Variants in TRIP4 observed in about 807,000 individuals in gnomAD.
The protein encoded by TRIP4 is activating signal cointegrator 1.
A neutral mutation model predicts 81.8 loss-of-function variants in TRIP4; 54 were observed. The observed-to-expected ratio is 0.66, with a 90% CI of 0.53 to 0.83. The LOEUF (loss-of-function observed/expected upper bound fraction) is 0.83. TRIP4 is among the 40% of genes least tolerant of loss of function. The pLI is 0.00. For synonymous variants in TRIP4, 270 were observed against 242.8 expected, an observed-to-expected ratio of 1.11 and a Z score of -1.04; for missense variants, 662 against 683.6, an observed-to-expected ratio of 0.97 and a Z score of 0.35.
chr15:64,433,679 C>T (rs1408597919), intron 11 of TRIP4, among the ~76,000 whole-genome samples: 1 of 152,122 alleles, frequency 6.6e-6, no homozygotes, highest in Non-Finnish European at 1.5e-5. Flanking sequence ...AGTGTTTCTA[C>T]TGAGATGGTA....
chr15:64,406,278 A>G, intron 5 of TRIP4, 52 bp from the exon 6 acceptor site: 1 of 1,602,034 alleles, frequency 6.2e-7, no homozygotes, highest in Non-Finnish European at 8.5e-7. Flanking sequence ...CACTGGTACA[A>G]CTAATTTGTA....
intron 7 of TRIP4, among the ~76,000 whole-genome samples, chr15:64,413,182 A>G (rs1891807297): frequency 6.6e-6 from 1 of 152,108 alleles, no homozygotes; most frequent in African/African-American, 2.4e-5. Flanking sequence ...TCTGTGGGTC[A>G]GGGTATTCCT....
At chr15:64,416,538 C>A (rs577752271) in intron 8 of TRIP4, among the ~76,000 whole-genome samples, 11 of 152,202 alleles carry the variant, frequency 7.2e-5, no homozygotes, top group African/African-American at 2.6e-4. Flanking sequence ...GCCTGGGCAA[C>A]AGAGCAAGAC....
At chr15:64,420,985 A>G (rs546675275) in intron 9 of TRIP4, among the ~76,000 whole-genome samples, 4 of 152,184 alleles carry the variant, frequency 2.6e-5, no homozygotes, top group East Asian at 1.9e-4. Flanking sequence ...TCAATCAGCA[A>G]TGGAACACAT....
At chr15:64,396,012 G>A (rs1365459628) in intron 3 of TRIP4, among the ~76,000 whole-genome samples, 4 of 151,596 alleles carry the variant, frequency 2.6e-5, no homozygotes, top group Admixed American at 6.6e-5. Flanking sequence ...GGGTTCAAGC[G>A]ATTCTCCTGC....
At chr15:64,453,255 C>T (rs1393320995) in intron 12 of TRIP4, among the ~76,000 whole-genome samples, 1 of 152,196 alleles carries the variant, frequency 6.6e-6, no homozygotes, top group Non-Finnish European at 1.5e-5. Context: ...TAAATTCTGT[C>T]CCAGCTTGTC....
chr15:64,401,017 A>G (rs1483093024), intron 5 of TRIP4, among the ~76,000 whole-genome samples, 196 bp downstream of exon 5: 1 of 151,946 alleles, frequency 6.6e-6, no homozygotes, highest in Non-Finnish European at 1.5e-5. Context: ...GCTGGAGAGC[A>G]GTGACGCGAT....
chr15:64,452,890 G>A (rs1035930238), intron 12 of TRIP4, among the ~76,000 whole-genome samples: 2 of 152,096 alleles, frequency 1.3e-5, no homozygotes, highest in African/African-American at 4.8e-5. Context: ...GATTAAAACT[G>A]AGTTTTTCAG....
intron 5 of TRIP4, among the ~76,000 whole-genome samples, chr15:64,401,904 A>G (rs1319985174): frequency 1.3e-5 from 2 of 152,218 alleles, no homozygotes; most frequent in African/African-American, 4.8e-5. Context: ...GTCATGAAAG[A>G]CAAGAAAAGA....
chr15:64,436,933 T>C (rs998163126), intron 11 of TRIP4, among the ~76,000 whole-genome samples: 8 of 151,680 alleles, frequency 5.3e-5, no homozygotes, highest in Non-Finnish European at 1.2e-4. Context: ...GGTCTCCATC[T>C]CCTGACCTCA....
intron 4 of TRIP4, 118 bp from the exon 5 acceptor site, chr15:64,400,625 C>A: frequency 1.4e-6 from 1 of 730,652 alleles, no homozygotes; most frequent in Non-Finnish European, 2.3e-6. Context: ...TAAAAAACAC[C>A]AATAGTCTCA....
chr15:64,439,679 A>G (rs763691111), intron 11 of TRIP4, among the ~76,000 whole-genome samples: 30 of 151,518 alleles, frequency 2.0e-4, no homozygotes, highest in Non-Finnish European at 3.8e-4. Context: ...GCCCGCCATC[A>G]TGCCGGCTAA....
Position 64,455,091 on chromosome 15 carries a change from T to C in TRIP4, c.*27T>C, listed in dbSNP as rs375038264. ...CCAGGAGAAAAGGAACTATACAGCATAGTGGAGTTTTGTGTACTAAAATTG... is the reference window on the plus strand; with the variant it reads ...CCAGGAGAAAAGGAACTATACAGCACAGTGGAGTTTTGTGTACTAAAATTG... On this transcript the variant is annotated 3_prime_UTR_variant, in exon 13 of 13. Coordinates refer to ENST00000261884, the MANE Select transcript of TRIP4 (RefSeq NM_016213.5). 2.5e-6 allele frequency: 4 copies of C among 1,606,592 alleles called. No homozygotes were observed. The highest frequency in any genetic ancestry group is 3.4e-6 in the Non-Finnish European group (4 of 1,175,592).
intron 4 of TRIP4, among the ~76,000 whole-genome samples, chr15:64,398,424 CAAAAAAAAAAAAA>C (rs745672952): frequency 4.3e-4 from 7 of 16,326 alleles, no homozygotes; most frequent in African/African-American, 1.0e-3. Flanking sequence ...CCTGTCTCTA[CAAAAAAAAAAAAA>C]AAAAAAAAAA....
At chr15:64,436,935 C>G (rs2140308656) in intron 11 of TRIP4, among the ~76,000 whole-genome samples, 1 of 151,712 alleles carries the variant, frequency 6.6e-6, no homozygotes, top group East Asian at 2.0e-4. Context: ...TCTCCATCTC[C>G]TGACCTCATG....
intron 2 of TRIP4, 109 bp downstream of exon 2, chr15:64,394,224 T>G (rs1900220729): frequency 1.0e-6 from 1 of 971,936 alleles, no homozygotes; most frequent in East Asian, 2.8e-5. Flanking sequence ...CACAGCTAAC[T>G]TAAACAGAGT....
chr15:64,428,328 T>C (rs1892194510), intron 11 of TRIP4, among the ~76,000 whole-genome samples: 1 of 152,236 alleles, frequency 6.6e-6, no homozygotes. Flanking sequence ...ATTAGAAATC[T>C]AATTAAAACA....
intron 6 of TRIP4, among the ~76,000 whole-genome samples, chr15:64,408,223 C>CCA (rs1891675951): frequency 6.8e-6 from 1 of 146,504 alleles, no homozygotes; most frequent in Non-Finnish European, 1.5e-5. Context: ...CAGGTGTGAG[C>CCA]CACCGTGCCT....
chr15:64,421,261 G>A (rs568387007), intron 9 of TRIP4, among the ~76,000 whole-genome samples: 156 of 149,596 alleles, frequency 1.0e-3, no homozygotes, highest in Non-Finnish European at 2.0e-3. Flanking sequence ...CAGCCTGGGC[G>A]ACAGAGTGAG....
Sources: allele counts gnomAD v4.1 joint callset (sites outside exome capture counted in the v4.1 genomes callset), GRCh38; gene constraint gnomAD v4.1.1; transcripts MANE v1.5; gene names NCBI Gene and HGNC (gene_info 2026-07-23, HGNC 2026-07-21).